Variants in FAM174A observed in about 807,000 individuals in gnomAD.
The protein encoded by FAM174A is family with sequence similarity 174 member A, also known as membrane protein FAM174A.
Under a neutral mutation model 14.3 loss-of-function variants are expected in FAM174A, and 14 were observed. That is an observed-to-expected ratio of 0.98 (90% CI 0.65 to 1.53). The LOEUF (loss-of-function observed/expected upper bound fraction) is 1.53, where lower values mean the gene tolerates loss of function less well. Among genes scored for constraint, FAM174A ranks in the 40% most tolerant of loss-of-function variants. The pLI is 0.00. For synonymous variants in FAM174A, 108 were observed against 111.4 expected, an observed-to-expected ratio of 0.97 and a Z score of 0.19; for missense variants, 241 against 249.6, an observed-to-expected ratio of 0.97 and a Z score of 0.23.
At chr5:100,586,151 A>G (rs1196872659) in intron 2 of FAM174A, 30 bp from the exon 3 acceptor site, 4 of 1,213,894 alleles carry the variant, frequency 3.3e-6, no homozygotes, top group Non-Finnish European at 3.6e-6. Context: ...TAGAAAGGAT[A>G]TTTATGGTAT....
At chr5:100,548,122 G>A (rs867521482) in intron 1 of FAM174A, among the ~76,000 whole-genome samples, 2 of 151,970 alleles carry the variant, frequency 1.3e-5, no homozygotes, top group African/African-American at 2.4e-5. Context: ...TCATTTGTCC[G>A]AACTGCTTCA....
intron 2 of FAM174A, chr5:100,581,430 T>A: frequency 2.1e-6 from 2 of 970,312 alleles, no homozygotes; most frequent in Non-Finnish European, 2.5e-6. Context: ...GTTAAAGTTA[T>A]TTTTTTAAAG....
intron 1 of FAM174A, among the ~76,000 whole-genome samples, chr5:100,556,650 T>C (rs522628): frequency 0.57 from 86,167 of 151,922 alleles, 26,786 homozygotes; most frequent in African/African-American, 0.81. Context: ...CTTGAAGAGG[T>C]CCTTCACGTC....
At chr5:100,561,431 C>T (rs1746519792) in intron 1 of FAM174A, among the ~76,000 whole-genome samples, 1 of 151,972 alleles carries the variant, frequency 6.6e-6, no homozygotes, top group East Asian at 1.9e-4. Flanking sequence ...GAGAACCACA[C>T]TGCAAGAACC....
At chr5:100,536,017 G>A (rs770197899) in intron 1 of FAM174A, 53 bp downstream of exon 1, 1 of 1,471,816 alleles carries the variant, frequency 6.8e-7, no homozygotes, top group Non-Finnish European at 9.1e-7. Flanking sequence ...ACGCAGGCCG[G>A]TGATCTCCAG....
chr5:100,540,630 A>C (rs951894029), intron 1 of FAM174A, among the ~76,000 whole-genome samples: 1 of 152,094 alleles, frequency 6.6e-6, no homozygotes, highest in Non-Finnish European at 1.5e-5. Flanking sequence ...CATACACCTA[A>C]AATATTTTAA....
chr5:100,545,557 G>T (rs77322008), intron 1 of FAM174A, among the ~76,000 whole-genome samples: 2,127 of 152,088 alleles, frequency 0.014, 57 homozygotes, highest in African/African-American at 0.047. Context: ...TGTAAAAGGG[G>T]TAATATATAC....
At chr5:100,539,768 A>G (rs1746014003) in intron 1 of FAM174A, among the ~76,000 whole-genome samples, 1 of 152,194 alleles carries the variant, frequency 6.6e-6, no homozygotes, top group South Asian at 2.1e-4. Flanking sequence ...AAAGTAACCA[A>G]TTTAAAGCGA....
At chr5:100,572,472 G>T (rs183877009) in intron 2 of FAM174A, among the ~76,000 whole-genome samples, 2 of 142,572 alleles carry the variant, frequency 1.4e-5, no homozygotes, top group South Asian at 2.2e-4. Context: ...TCATTGTTCA[G>T]TTCCCACCTA....
At chr5:100,577,046 A>G (rs1746919191) in intron 2 of FAM174A, among the ~76,000 whole-genome samples, 1 of 152,190 alleles carries the variant, frequency 6.6e-6, no homozygotes, top group Admixed American at 6.5e-5. Flanking sequence ...AGAATGCTTT[A>G]CAGCATGAAT....
chr5:100,547,865 A>G (rs1298495792), intron 1 of FAM174A, among the ~76,000 whole-genome samples: 2 of 152,030 alleles, frequency 1.3e-5, no homozygotes, highest in East Asian at 1.9e-4. Context: ...TATCATGTAT[A>G]TGAATAGGCC....
intron 2 of FAM174A, among the ~76,000 whole-genome samples, chr5:100,562,889 G>A (rs1030766751): frequency 6.6e-6 from 1 of 151,726 alleles, no homozygotes; most frequent in African/African-American, 2.4e-5. Context: ...GGGGAAAAAA[G>A]CCAACAAAGA....
At chr5:100,555,400 T>A (rs927281202) in intron 1 of FAM174A, among the ~76,000 whole-genome samples, 6 of 152,194 alleles carry the variant, frequency 3.9e-5, no homozygotes, top group African/African-American at 1.4e-4. Context: ...CGTGTGTGTG[T>A]GTCTTTATAG....
chr5:100,583,438 A>G (rs1391515208), intron 2 of FAM174A, among the ~76,000 whole-genome samples: 1 of 152,212 alleles, frequency 6.6e-6, no homozygotes, highest in African/African-American at 2.4e-5. Context: ...GCAGTCTTGA[A>G]TAATTGGAAT....
chr5:100,561,235 A>G (rs1455961806), intron 1 of FAM174A, among the ~76,000 whole-genome samples: 2 of 151,972 alleles, frequency 1.3e-5, no homozygotes, highest in Non-Finnish European at 2.9e-5. Context: ...AGCACCCTTG[A>G]ATCTTTTGAA....
intron 2 of FAM174A, among the ~76,000 whole-genome samples, chr5:100,568,084 T>C (rs556199410): frequency 2.6e-5 from 4 of 152,118 alleles, no homozygotes; most frequent in South Asian, 2.1e-4. Context: ...CCAGTCAGCA[T>C]TGACATTCTC....
Position 100,559,623 on chromosome 5 carries a change from A to G in FAM174A, c.435-2431A>G, listed in dbSNP as rs544160910. Among the ~76,000 whole-genome samples the G allele has an allele frequency of 2.2e-4, 33 of 151,976 alleles. No individual in the cohort carries two copies. The East Asian group carries it at 2.3e-3, about 11-fold the overall frequency. ...AGTTGGTCTTTTCACATAGTCCCAT[A>G]TTTCTTGGAGGCTTTGTTCGTTTCT... On this transcript the variant is annotated intron_variant, in intron 1 of 2. Coordinates refer to ENST00000312637, the MANE Select transcript of FAM174A (RefSeq NM_198507.3).
chr5:100,539,426 AC>A (rs1376845227), intron 1 of FAM174A, among the ~76,000 whole-genome samples: 1 of 152,170 alleles, frequency 6.6e-6, no homozygotes, highest in African/African-American at 2.4e-5. Flanking sequence ...TTGAATGCTT[AC>A]CCAACCCTAT....
intron 1 of FAM174A, among the ~76,000 whole-genome samples, chr5:100,544,805 A>G (rs1440881632): frequency 6.6e-6 from 1 of 152,222 alleles, no homozygotes; most frequent in South Asian, 2.1e-4. Context: ...TCTGTAATTG[A>G]TAGAGGTTGA....
Sources: allele counts gnomAD v4.1 joint callset (sites outside exome capture counted in the v4.1 genomes callset), GRCh38; gene constraint gnomAD v4.1.1; transcripts MANE v1.5; gene names NCBI Gene and HGNC (gene_info 2026-07-23, HGNC 2026-07-21).